The following ZNF804B variants were observed in gnomAD, a reference collection of about 807,000 sequenced individuals.
ZNF804B encodes the protein zinc finger protein 804B.
A neutral mutation model predicts 101.4 loss-of-function variants in ZNF804B; 80 were observed. The ratio of observed to expected loss-of-function variants is 0.79; its 90% CI spans 0.66 to 0.95. The LOEUF (loss-of-function observed/expected upper bound fraction) is 0.95. ZNF804B is among the 40% of genes least tolerant of loss of function. The probability of loss-of-function intolerance (pLI) is 0.00; values close to 1 mark genes in which losing one functional copy is unlikely to be tolerated. For missense variants in ZNF804B, 1,673 were observed against 1,561.9 expected, an observed-to-expected ratio of 1.07 and a Z score of -1.20; for synonymous variants, 622 against 558.8, an observed-to-expected ratio of 1.11 and a Z score of -1.59.
chr7:88,797,414 C>A (rs1790503223), intron 1 of ZNF804B, among the ~76,000 whole-genome samples: 2 of 152,128 alleles, frequency 1.3e-5, no homozygotes, highest in Admixed American at 6.6e-5. Context: ...TAAAAAGATT[C>A]TCATTTTACA....
chr7:88,937,207 A>C (rs1792986383), intron 1 of ZNF804B, among the ~76,000 whole-genome samples: 1 of 152,056 alleles, frequency 6.6e-6, no homozygotes, highest in African/African-American at 2.4e-5. Context: ...AATAATGAAA[A>C]AGAAAATGAC....
intron 1 of ZNF804B, among the ~76,000 whole-genome samples, chr7:88,875,405 A>C (rs1441059814): frequency 6.6e-6 from 1 of 152,196 alleles, no homozygotes; most frequent in Non-Finnish European, 1.5e-5. Flanking sequence ...AAATTGATAA[A>C]CTGCTAGCAA....
At chr7:89,228,705 C>T (rs1203769689) in intron 2 of ZNF804B, among the ~76,000 whole-genome samples, 1 of 152,222 alleles carries the variant, frequency 6.6e-6, no homozygotes, top group African/African-American at 2.4e-5. Flanking sequence ...GCTGGCTTCA[C>T]CCAGTGGATC....
At chr7:88,774,107 C>CAA (rs940389596) in intron 1 of ZNF804B, among the ~76,000 whole-genome samples, 1 of 151,516 alleles carries the variant, frequency 6.6e-6, no homozygotes, top group Non-Finnish European at 1.5e-5. Context: ...GACTCATGCA[C>CAA]AAAGCACTTA....
At chr7:88,764,644 C>T (rs747228044) in intron 1 of ZNF804B, among the ~76,000 whole-genome samples, 1 of 152,140 alleles carries the variant, frequency 6.6e-6, no homozygotes. Flanking sequence ...CAGAGAACTT[C>T]TTAAATGAGG....
chr7:89,060,084 C>T (rs1265850668), intron 1 of ZNF804B, among the ~76,000 whole-genome samples: 2 of 152,146 alleles, frequency 1.3e-5, no homozygotes, highest in African/African-American at 4.8e-5. Flanking sequence ...CCATTGGCTT[C>T]CCTGGTTCTG....
rs76263615 is a variant in ZNF804B at position 89,144,683 on chromosome 7, A to G, written c.109-73472A>G. 0.025 allele frequency among the ~76,000 whole-genome samples: 3,807 copies of G among 152,144 alleles called. 535 individuals carry two copies. The East Asian group carries it at 0.42, about 17-fold the overall frequency. ...TAAGGTAGATTTCAAAATTGCTAAC[A>G]TAATAGATTTTAAATGTTTTCACTA... On this transcript the variant is annotated intron_variant, in intron 1 of 3. Transcript: ENST00000333190.
intron 1 of ZNF804B, among the ~76,000 whole-genome samples, chr7:89,135,619 T>C (rs1315536474): frequency 1.3e-5 from 2 of 152,114 alleles, no homozygotes; most frequent in Admixed American, 1.3e-4. Context: ...TACATCTTTC[T>C]TGTTCTTTCC....
intron 1 of ZNF804B, among the ~76,000 whole-genome samples, chr7:89,147,020 G>A (rs1790800612): frequency 6.7e-6 from 1 of 149,110 alleles, no homozygotes; most frequent in African/African-American, 2.5e-5. Flanking sequence ...GTGAGACCCT[G>A]TCTCAAAAAA....
chr7:88,803,522 G>A (rs1790640171), intron 1 of ZNF804B, among the ~76,000 whole-genome samples: 1 of 152,146 alleles, frequency 6.6e-6, no homozygotes, highest in African/African-American at 2.4e-5. Context: ...AAATGTGCAA[G>A]CCATCACCAA....
chr7:88,947,735 C>T (rs1037063060), intron 1 of ZNF804B, among the ~76,000 whole-genome samples: 8 of 151,788 alleles, frequency 5.3e-5, no homozygotes, highest in African/African-American at 1.7e-4. Context: ...CAATAAATCT[C>T]ACTATGTATA....
At chr7:89,148,640 T>C (rs62461912) in intron 1 of ZNF804B, among the ~76,000 whole-genome samples, 20,195 of 151,988 alleles carry the variant, frequency 0.13, 1,731 homozygotes, top group African/African-American at 0.25. Context: ...TCTCTAAAGA[T>C]ATAAAAATCC....
At chr7:89,004,055 C>CAAA (rs5885649) in intron 1 of ZNF804B, among the ~76,000 whole-genome samples, 7 of 112,158 alleles carry the variant, frequency 6.2e-5, no homozygotes, top group Non-Finnish European at 9.3e-5. Context: ...CCTGAATGAG[C>CAAA]AAAAAAAAAA....
intron 2 of ZNF804B, among the ~76,000 whole-genome samples, chr7:89,240,041 A>G (rs1789343660): frequency 6.6e-6 from 1 of 151,594 alleles, no homozygotes; most frequent in African/African-American, 2.4e-5. Context: ...GGATAAAATA[A>G]TAATTAATTA....
intron 1 of ZNF804B, among the ~76,000 whole-genome samples, chr7:89,155,851 A>G (rs563933585): frequency 1.7e-3 from 261 of 151,990 alleles, no homozygotes; most frequent in African/African-American, 6.1e-3. Context: ...TCTTTTCTAA[A>G]AAATTCCTTG....
At chr7:88,833,186 T>G (rs1332621770) in intron 1 of ZNF804B, among the ~76,000 whole-genome samples, 2 of 149,930 alleles carry the variant, frequency 1.3e-5, no homozygotes. Context: ...TAAAAAAAAG[T>G]AAGTATTGTT....
chr7:88,967,136 G>T (rs1793467244), intron 1 of ZNF804B, among the ~76,000 whole-genome samples: 1 of 151,570 alleles, frequency 6.6e-6, no homozygotes, highest in Non-Finnish European at 1.5e-5. Context: ...AGATGAAGGA[G>T]ATGATGCACA....
chr7:89,118,592 T>C (rs1374633877), intron 1 of ZNF804B, among the ~76,000 whole-genome samples: 3 of 152,082 alleles, frequency 2.0e-5, no homozygotes, highest in African/African-American at 7.2e-5. Context: ...AAAATGGCCG[T>C]AATAAGAAGT....
At chr7:89,224,480 T>A (rs1425204648) in intron 2 of ZNF804B, among the ~76,000 whole-genome samples, 1 of 152,106 alleles carries the variant, frequency 6.6e-6, no homozygotes, top group Non-Finnish European at 1.5e-5. Flanking sequence ...TTTTTTTGTT[T>A]CTGCAATTTG....
Sources: gnomAD v4.1 joint callset for allele counts (sites outside exome capture counted in the v4.1 genomes callset) on GRCh38, gnomAD v4.1.1 for gene constraint, MANE v1.5 for transcripts, NCBI Gene and HGNC (gene_info 2026-07-23, HGNC 2026-07-21) for gene names.